The following RAB25 variants were observed in gnomAD, a reference collection of about 807,000 sequenced individuals.
RAB25 encodes the protein ras-related protein Rab-25.
A neutral mutation model predicts 25.2 loss-of-function variants in RAB25; 23 were observed. That is an observed-to-expected ratio of 0.91 (90% CI 0.66 to 1.29). The LOEUF is 1.29. Ranked by LOEUF, RAB25 falls within the 50% of genes most tolerant of loss-of-function variation. RAB25 has a pLI of 0.00. For synonymous variants in RAB25, 102 were observed against 111.5 expected (o/e 0.91, Z 0.54); for missense variants, 244 against 277.3 (o/e 0.88, Z 0.85).
At chr1:156,068,880 G>A (rs1205005672) in intron 3 of RAB25, among the ~76,000 whole-genome samples, 1 of 151,518 alleles carries the variant, frequency 6.6e-6, no homozygotes, top group South Asian at 2.1e-4. Context: ...GTAGAGATGG[G>A]GTTTCATCGT....
At chr1:156,068,684 A>ATTTTT (rs35522492) in intron 3 of RAB25, among the ~76,000 whole-genome samples, 4 of 98,344 alleles carry the variant, frequency 4.1e-5, no homozygotes, top group African/African-American at 7.7e-5. Flanking sequence ...GTCTTTATTG[A>ATTTTT]TTTTTTTTTT....
At chr1:156,068,198 G>A (rs1444420210) in intron 2 of RAB25, 72 bp from the exon 3 acceptor site, 59 of 1,345,792 alleles carry the variant, frequency 4.4e-5, no homozygotes, top group Non-Finnish European at 4.6e-5. Context: ...GTTCCAGCTT[G>A]ACGGCTCTGC....
chr1:156,069,784 C>T (rs893082251), intron 4 of RAB25, 33 bp downstream of exon 4: 2 of 1,552,024 alleles, frequency 1.3e-6, no homozygotes, highest in Non-Finnish European at 1.8e-6. Context: ...CACCCCTATT[C>T]CATCCCCGTG....
chr1:156,069,935 G>C (rs1400887896), intron 4 of RAB25, 184 bp downstream of exon 4: 5 of 842,144 alleles, frequency 5.9e-6, no homozygotes, highest in African/African-American at 1.7e-5. Context: ...AGCTCAGGGA[G>C]GGAACAGGCC....
In RAB25 at chr1:156,070,149, T is replaced by C; in HGVS notation, c.515-11T>C. On this transcript the variant is annotated splice_polypyrimidine_tract_variant and intron_variant, in intron 4 of 4. Coordinates refer to ENST00000361084, the MANE Select transcript of RAB25 (RefSeq NM_020387.4). Reference sequence around the variant, plus strand: ...ATCTTCTGGCCTGATCACTGCCCTCTGCCCTCCCAGAAATCTTTGCGAAGG... The same window carrying C: ...ATCTTCTGGCCTGATCACTGCCCTCCGCCCTCCCAGAAATCTTTGCGAAGG... 1.3e-5 allele frequency: 21 copies of C among 1,614,150 alleles called. No homozygotes were observed. Among genetic ancestry groups the C allele is most frequent in the Non-Finnish European group, 1.8e-5 (21 of 1,180,008 alleles).
chr1:156,066,041 C>T lies in RAB25; in HGVS notation c.174C>T (p.Thr58=), dbSNP rs201223792. The change falls in exon 2 of 5, where the codon ACC becomes ACT. Residue 58 remains threonine (T), a synonymous_variant. Transcript: ENST00000361084. ...CCACCCGCACTGTGATGTTGGGCAC[C>T]GCTGCTGTCAAGGCTCAGATCTGGG... ...EFSTRTVMLG[T]AAVKAQIWDT... 4.3e-5 allele frequency: 69 copies of T among 1,613,410 alleles called. No individual in the cohort carries two copies. The highest frequency in any genetic ancestry group is 2.3e-4 in the Admixed American group (14 of 59,996).
Position 156,069,842 on chromosome 1 carries a change from G to C in RAB25, c.514+91G>C, listed in dbSNP as rs554230917. 15 of 1,202,540 alleles carry C rather than the reference G, an allele frequency of 1.2e-5. No homozygotes were observed. In the African/African-American group the frequency reaches 1.5e-4, roughly 12 times the overall value. 74.5% of individuals were successfully genotyped at this position (1,202,540 alleles called of 1,614,324 possible). A position where few individuals can be genotyped will look rare whatever the true frequency, so the allele number is the denominator to read the frequency against. On this transcript the variant is annotated intron_variant, in intron 4 of 4. Coordinates refer to ENST00000361084, the MANE Select transcript of RAB25 (RefSeq NM_020387.4). The stretch of plus-strand genomic sequence containing the variant: ...ATGCAGACACTCAGCCCTCACCCCA[G>C]CTAATTTCTCAGCTCCTCTGTGGGT...
At chr1:156,068,582 C>T (rs1461988112) in intron 3 of RAB25, 119 bp downstream of exon 3, 2 of 880,158 alleles carry the variant, frequency 2.3e-6, no homozygotes, top group African/African-American at 3.3e-5. Flanking sequence ...CCATACAGTC[C>T]TCTACCCCAT....
At chr1:156,068,539 C>A in intron 3 of RAB25, 76 bp downstream of exon 3, 1 of 1,460,288 alleles carries the variant, frequency 6.8e-7, no homozygotes, top group African/African-American at 1.4e-5. Flanking sequence ...CAGCCCCTGC[C>A]CCCACCCATA....
chr1:156,061,870 C>T (rs895423930), intron 1 of RAB25, among the ~76,000 whole-genome samples: 1 of 152,090 alleles, frequency 6.6e-6, no homozygotes, highest in Non-Finnish European at 1.5e-5. Context: ...CTGCAACCTC[C>T]ACCTCCTGGG....
At chr1:156,061,690 A>G (rs1372396628) in intron 1 of RAB25, among the ~76,000 whole-genome samples, 1 of 152,182 alleles carries the variant, frequency 6.6e-6, no homozygotes, top group East Asian at 1.9e-4. Flanking sequence ...GTGCTGAGTT[A>G]GGCTCCTCTG....
chr1:156,069,449 G>C (rs561196345), intron 3 of RAB25, among the ~76,000 whole-genome samples: 1 of 152,268 alleles, frequency 6.6e-6, no homozygotes, highest in East Asian at 1.9e-4. Context: ...AAAGTGCTGG[G>C]ATTACAGGCG....
At chr1:156,066,720 C>G (rs1647756051) in intron 2 of RAB25, among the ~76,000 whole-genome samples, 1 of 152,054 alleles carries the variant, frequency 6.6e-6, no homozygotes, top group African/African-American at 2.4e-5. Flanking sequence ...GGGTGGATCG[C>G]TTGAGCTCAT....
chr1:156,066,359 G>C (rs1647745902), intron 2 of RAB25: 1 of 359,432 alleles, frequency 2.8e-6, no homozygotes, highest in Admixed American at 4.6e-5. Flanking sequence ...TGCCCAGGAA[G>C]GGACAAGTTA....
chr1:156,064,607 G>T (rs1647687117), intron 1 of RAB25, among the ~76,000 whole-genome samples: 1 of 152,044 alleles, frequency 6.6e-6, no homozygotes, highest in African/African-American at 2.4e-5. Flanking sequence ...TAGAGATGGG[G>T]TTTCACCGTG....
chr1:156,065,965 C>T lies in RAB25; in HGVS notation c.98C>T (p.Thr33Met), dbSNP rs781645749. 1.1e-5 allele frequency: 17 copies of T among 1,613,564 alleles called. No homozygotes were observed. The highest frequency in any genetic ancestry group is 5.5e-5 in the South Asian group (5 of 91,038). Residue 33 changes from threonine to methionine, a missense_variant, in exon 2 of 5, where the codon ACG becomes ATG. Coordinates refer to ENST00000361084, the MANE Select transcript of RAB25 (RefSeq NM_020387.4). ...VGKTNLLSRF[T>M]RNEFSHDSRT... ...AAGACCAATCTACTCTCCCGATTCA[C>T]GCGCAATGAGTTCAGCCACGACAGC...
intron 2 of RAB25, among the ~76,000 whole-genome samples, chr1:156,067,524 C>T (rs898572347): frequency 1.3e-5 from 2 of 152,200 alleles, no homozygotes; most frequent in African/African-American, 2.4e-5. Context: ...CCAGGGACTG[C>T]TGCAAGAGGT....
At chr1:156,065,614 TAAA>T (rs1647719707) in intron 1 of RAB25, among the ~76,000 whole-genome samples, 2 of 152,114 alleles carry the variant, frequency 1.3e-5, no homozygotes, top group East Asian at 1.9e-4. Flanking sequence ...ATGACACTCA[TAAA>T]GAGCCCACAG....
chr1:156,061,946 G>A (rs1296057654), intron 1 of RAB25, among the ~76,000 whole-genome samples: 4 of 152,032 alleles, frequency 2.6e-5, no homozygotes, highest in Non-Finnish European at 2.9e-5. Context: ...CACCACGCCC[G>A]GCTTATTTTT....
Sources: gnomAD v4.1 joint callset for allele counts (sites outside exome capture counted in the v4.1 genomes callset) on GRCh38, gnomAD v4.1.1 for gene constraint, MANE v1.5 for transcripts, NCBI Gene and HGNC (gene_info 2026-07-23, HGNC 2026-07-21) for gene names.